The following NKAIN4 variants were observed in gnomAD, a reference collection of about 807,000 sequenced individuals.
NKAIN4 encodes the protein sodium/potassium-transporting ATPase subunit beta-1-interacting protein 4.
A neutral mutation model predicts 28.8 loss-of-function variants in NKAIN4; 28 were observed. That is an observed-to-expected ratio of 0.97 (90% CI 0.72 to 1.33). NKAIN4 has a LOEUF of 1.33. Among genes scored for constraint, NKAIN4 ranks in the 40% most tolerant of loss-of-function variants. NKAIN4 has a pLI of 0.00. For missense variants in NKAIN4, 289 were observed against 277.2 expected (o/e 1.04, Z -0.30); for synonymous variants, 122 against 115.6 (o/e 1.06, Z -0.36).
chr20:63,254,217 A>C (rs565887070), intron 1 of NKAIN4, 180 bp downstream of exon 1: 80 of 486,592 alleles, frequency 1.6e-4, no homozygotes, highest in Admixed American at 6.0e-4. Flanking sequence ...GCGACTCCCC[A>C]CGCCCCGCAG....
At chr20:63,251,909 A>C (rs1228055529) in intron 1 of NKAIN4, among the ~76,000 whole-genome samples, 2 of 152,130 alleles carry the variant, frequency 1.3e-5, no homozygotes, top group Admixed American at 6.5e-5. Flanking sequence ...GGAGGACACT[A>C]ACCTACGAGG....
intron 1 of NKAIN4, chr20:63,253,594 G>A (rs1353689222): frequency 1.2e-6 from 1 of 834,014 alleles, no homozygotes; most frequent in Non-Finnish European, 1.4e-6. Context: ...TAGCATCGAA[G>A]CAAAGCAGCT....
chr20:63,249,147 C>T (rs940471021), intron 2 of NKAIN4: 39 of 507,044 alleles, frequency 7.7e-5, no homozygotes, highest in African/African-American at 6.0e-4. Flanking sequence ...GGAGCCCCAG[C>T]GCAGGTCGGC....
In NKAIN4 at chr20:63,253,459, A is replaced by C; in HGVS notation, c.54+938T>G. ...CGGACTCCGAGGGTTTCGCTGCTCAAAACTCTGAAACAGCCCCTTCTGGCC... is the reference window on the plus strand; with the variant it reads ...CGGACTCCGAGGGTTTCGCTGCTCACAACTCTGAAACAGCCCCTTCTGGCC... On this transcript the variant is annotated intron_variant, in intron 1 of 6. Coordinates refer to ENST00000370316, the MANE Select transcript of NKAIN4 (RefSeq NM_152864.4). The C allele has an allele frequency of 4.1e-6, 4 of 985,482 alleles. No homozygotes were observed. The South Asian group carries it at 1.4e-4, about 35-fold the overall frequency. 61.0% of individuals were successfully genotyped at this position (985,482 alleles called of 1,614,324 possible). A position where few individuals can be genotyped will look rare whatever the true frequency, so the allele number is the denominator to read the frequency against.
chr20:63,254,536 G>A, upstream of NKAIN4: 1 of 942,514 alleles, frequency 1.1e-6, no homozygotes, highest in Non-Finnish European at 1.4e-6. Context: ...CCGCAGCCTG[G>A]ACCCCGCCCC....
chr20:63,253,588 A>C (rs899029204), intron 1 of NKAIN4: 44 of 878,396 alleles, frequency 5.0e-5, no homozygotes, highest in African/African-American at 7.3e-5. Flanking sequence ...GCCAATTAGC[A>C]TCGAAGCAAA....
chr20:63,250,817 C>T (rs1056633551), intron 1 of NKAIN4, among the ~76,000 whole-genome samples: 1 of 152,094 alleles, frequency 6.6e-6, no homozygotes, highest in Non-Finnish European at 1.5e-5. Context: ...TCGGCACCAC[C>T]CGTCACCAGC....
chr20:63,254,711 G>C (rs2067021425), upstream of NKAIN4: 1 of 307,402 alleles, frequency 3.3e-6, no homozygotes, highest in Admixed American at 5.1e-5. Context: ...GCGGCCTCTC[G>C]GGTAGCGAGG....
chr20:63,247,306 A>C, intron 4 of NKAIN4: 1 of 1,393,850 alleles, frequency 7.2e-7, no homozygotes, highest in Non-Finnish European at 9.4e-7. Context: ...ATTCCTTCCC[A>C]CTCCCCACAG....
intron 3 of NKAIN4, chr20:63,248,095 C>T (rs9753638): frequency 0.045 from 11,580 of 257,974 alleles, 764 homozygotes; most frequent in African/African-American, 0.18. Context: ...TGCCATGTGA[C>T]GTGTGTCTGC....
At position 63,242,542 on chromosome 20, in the gene NKAIN4, T is replaced by A. The variant is rs747422095; in HGVS notation, c.614A>T (p.Tyr205Phe). The change falls in exon 6 of 7, where the codon TAC becomes TTC. Residue 205 changes from tyrosine to phenylalanine, a missense_variant. Coordinates refer to ENST00000370316, the MANE Select transcript of NKAIN4 (RefSeq NM_152864.4). ...KPSSLLSKQV[Y>F]LPA is the part of the protein sequence containing the mutation. ...AGGTTCTGCCAGCCATACTTACAAG[T>A]ACACCTGCTTGGACAAGAGACTGGA... The A allele has an allele frequency of 2.5e-6, 4 of 1,610,232 alleles. No homozygotes were observed. Among genetic ancestry groups the A allele is most frequent in the Non-Finnish European group, 3.4e-6 (4 of 1,176,720 alleles).
rs1039968883 is a variant in NKAIN4, at chr20:63,245,108, C to T, written c.472-1024G>A. 1.3e-5 allele frequency among the ~76,000 whole-genome samples: 2 copies of T among 152,170 alleles called. No individual in the cohort carries two copies. Among genetic ancestry groups the T allele is most frequent in the African/African-American group, 4.8e-5 (2 of 41,440 alleles). ...TGGGCTCCGTCCCCCCGACCCCCGA[C>T]CCCATCTGGTACAGGCAAGTTGGTG... On this transcript the variant is annotated intron_variant, in intron 4 of 6. Transcript: ENST00000370316. This position sits in a 1 kb window ranked among gnomAD's most constrained non-coding sequence, Gnocchi z 4.7.
At chr20:63,243,322 T>C (rs186800945) in intron 5 of NKAIN4, among the ~76,000 whole-genome samples, 2 of 152,122 alleles carry the variant, frequency 1.3e-5, no homozygotes, top group Admixed American at 6.5e-5. Context: ...AGGGTGCCCT[T>C]TGACACGTGG....
At chr20:63,254,837 G>A (rs931578360), upstream of NKAIN4, 13 of 181,008 alleles carry the variant, frequency 7.2e-5, no homozygotes, top group Non-Finnish European at 1.5e-4. Context: ...ACCTGCTCCC[G>A]CCGTGCGCCC....
Position 63,241,358 on chromosome 20 carries a change from T to C in NKAIN4, c.*139A>G. On this transcript the variant is annotated 3_prime_UTR_variant, in exon 7 of 7. Coordinates refer to ENST00000370316, the MANE Select transcript of NKAIN4 (RefSeq NM_152864.4). ...GCCGCCCTGGCTGGTGTCCAGTACT[T>C]AGAACCCAGGGCAGGTGCTGCCGGC... 1.2e-6 allele frequency: 1 copy of C among 826,242 alleles called. No homozygotes were observed. Among genetic ancestry groups the C allele is most frequent in the South Asian group, 1.5e-5 (1 of 66,332 alleles). The allele number at this position is 826,242 out of a possible 1,614,324, so 51.2% of individuals were successfully genotyped here.
intron 4 of NKAIN4, among the ~76,000 whole-genome samples, chr20:63,246,335 A>G (rs564171405): frequency 3.9e-5 from 6 of 152,312 alleles, no homozygotes; most frequent in Non-Finnish European, 8.8e-5. Flanking sequence ...TGGGTTCCAC[A>G]CATTTTGGGG....
chr20:63,249,870 TGGG>T, intron 2 of NKAIN4, 62 bp downstream of exon 2: 2 of 1,509,946 alleles, frequency 1.3e-6, no homozygotes, highest in Non-Finnish European at 1.8e-6. Context: ...GATGGTGCCA[TGGG>T]AGCCGCCATC....
rs553003718 is a variant in NKAIN4 at position 63,242,036 on chromosome 20, G to T, written c.617+503C>A. Among the ~76,000 whole-genome samples, 9 of 152,274 alleles carry T rather than the reference G, an allele frequency of 5.9e-5. No homozygotes were observed. The South Asian group carries it at 1.9e-3, about 32-fold the overall frequency. On this transcript the variant is annotated intron_variant, in intron 6 of 6. Transcript: ENST00000370316. ...CAAACTAGGATTGTGTACGGGGCGG[G>T]CTGTGTGGCAAAAGCTGTTTCAGAG...
Position 63,250,044 on chromosome 20 carries a change from T to C in NKAIN4, c.83A>G (p.Asp28Gly). ...LVAALERQVF[D>G]FLGYQWAPIL... is the part of the protein sequence containing the mutation. ...GGGCGCCCACTGGTAGCCCAGGAAG[T>C]CAAACACCTGCCTCTCCAGGGCGGC... The change falls in exon 2 of 7, where the codon GAC becomes GGC. Residue 28 changes from aspartate (D) to glycine (G), a missense_variant. Coordinates refer to ENST00000370316, the MANE Select transcript of NKAIN4 (RefSeq NM_152864.4). 1 of 1,594,034 alleles carries C rather than the reference T, an allele frequency of 6.3e-7. No homozygotes were observed. Among genetic ancestry groups the C allele is most frequent in the Admixed American group, 1.8e-5 (1 of 56,788 alleles).
Sources: gnomAD v4.1 joint callset for allele counts (sites outside exome capture counted in the v4.1 genomes callset) on GRCh38, gnomAD v4.1.1 for gene constraint, Gnocchi (gnomAD v3.1) non-coding constraint, MANE v1.5 for transcripts, NCBI Gene and HGNC (gene_info 2026-07-23, HGNC 2026-07-21) for gene names.